ECM1: variants seen among roughly 807,000 people sequenced by gnomAD.
ECM1 encodes secretory component p85.
ECM1 carries 54 observed loss-of-function variants against 57.9 expected under a neutral mutation model. The ratio of observed to expected loss-of-function variants is 0.93; its 90% CI spans 0.75 to 1.17. The LOEUF (loss-of-function observed/expected upper bound fraction) is 1.17, where lower values mean the gene tolerates loss of function less well. Among genes scored for constraint, ECM1 ranks in the 50% most tolerant of loss-of-function variants. The pLI, the probability that ECM1 is intolerant of heterozygous loss-of-function variation, is 0.00. For missense variants in ECM1, 649 were observed against 688.1 expected (o/e 0.94, Z 0.64); for synonymous variants, 237 against 259.1 (o/e 0.91, Z 0.82).
rs41264471 is a variant in ECM1, at chr1:150,510,995, C to T, written c.505C>T (p.Pro169Ser). Reference sequence around the variant, plus strand: ...GGGCCACCGGCTGGATGGCTTCCCCCCTGGGCGGCCTTCTCCAGACAATCT... The same window carrying T: ...GGGCCACCGGCTGGATGGCTTCCCCTCTGGGCGGCCTTCTCCAGACAATCT... ...GWGHRLDGFP[P>S]GRPSPDNLNQ... is the part of the protein sequence containing the mutation. The change falls in exon 6 of 10, where the codon CCT becomes TCT. Residue 169 changes from proline (P) to serine (S), a missense_variant. Pro to Ser is a moderately conservative substitution (Grantham distance 74). Coordinates refer to ENST00000369047, the MANE Select transcript of ECM1 (RefSeq NM_004425.4). The T allele has an allele frequency of 5.0e-6, 8 of 1,614,090 alleles. No individual in the cohort carries two copies. The highest frequency in any genetic ancestry group is 2.7e-5 in the African/African-American group (2 of 74,930).
intron 7 of ECM1, among the ~76,000 whole-genome samples, 155 bp from the exon 8 acceptor site, chr1:150,512,197 A>C (rs1670461853): frequency 6.9e-6 from 1 of 145,640 alleles, no homozygotes; most frequent in African/African-American, 2.6e-5. Flanking sequence ...ACACATCAAC[A>C]GTTGCCTCCT....
In ECM1 at chr1:150,511,672, T is replaced by C. The variant is rs757995294; in HGVS notation, c.924T>C (p.Asn308=). 8 of 1,614,014 alleles carry C rather than the reference T, an allele frequency of 5.0e-6. No individual in the cohort carries two copies. The South Asian group carries it at 6.6e-5, about 13-fold the overall frequency. ...PFPPGVPTLD[N]IKNICHLRRF... ...CTCCTGGGGTGCCCACATTGGACAA[T>C]ATCAAGAACATCTGCCACCTGAGGC... The change falls in exon 7 of 10, where the codon AAT becomes AAC. Residue 308 remains asparagine (N), a synonymous_variant. Coordinates refer to ENST00000369047, the MANE Select transcript of ECM1 (RefSeq NM_004425.4).
In ECM1 at chr1:150,511,095, A is replaced by T; in HGVS notation, c.605A>T (p.His202Leu). The change falls in exon 6 of 10, where the codon CAC (histidine) becomes CTC (leucine). Residue 202 changes from histidine to leucine, a missense_variant. Coordinates refer to ENST00000369047, the MANE Select transcript of ECM1 (RefSeq NM_004425.4). ...AACCTACCACAGTCCAGCTACTCCC[A>T]CCTCACTCGCCAGGGTGAGACCCTC... is the stretch of plus-strand genomic sequence containing the variant. ...PWNLPQSSYS[H>L]LTRQGETLNF... The T allele has an allele frequency of 6.2e-7, 1 of 1,614,014 alleles. No homozygotes were observed. The highest frequency in any genetic ancestry group is 2.2e-5 in the East Asian group (1 of 44,878).
Position 150,509,996 on chromosome 1 carries a change from A to G in ECM1, c.298A>G (p.Lys100Glu), listed in dbSNP as rs747396524. Residue 100 changes from lysine (K) to glutamate (E), a missense_variant, in exon 4 of 10, where the codon AAG becomes GAG. Physicochemically the swap from Lys to Glu is moderately conservative, Grantham distance 56. Coordinates refer to ENST00000369047, the MANE Select transcript of ECM1 (RefSeq NM_004425.4). The stretch of plus-strand genomic sequence containing the variant: ...GCTACCTGCCCAACTCCCTGCTGAA[A>G]AGGAAGGTGAGCGCTTGCCCACCCT... ...KLLPAQLPAE[K>E]EVGPPLPQEA... 2.5e-6 allele frequency: 4 copies of G among 1,614,082 alleles called. No individual in the cohort carries two copies. Among genetic ancestry groups the G allele is most frequent in the Non-Finnish European group, 3.4e-6 (4 of 1,179,994 alleles).
At chr1:150,513,104 TG>T in intron 9 of ECM1, 132 bp from the exon 10 acceptor site, 2 of 968,066 alleles carry the variant, frequency 2.1e-6, no homozygotes, top group Non-Finnish European at 3.2e-6. Flanking sequence ...GTACTCTCTC[TG>T]GGCCCCAGGA....
rs139236527 is a variant in ECM1, at chr1:150,509,537, C to T, written c.77C>T (p.Thr26Met). 1.3e-5 allele frequency: 21 copies of T among 1,614,040 alleles called. No individual in the cohort carries two copies. Among genetic ancestry groups the T allele is most frequent in the East Asian group, 8.9e-5 (4 of 44,894 alleles). ...TTGCCCTTCTTCCCTCCAGGCTTCA[C>T]GGCTACAGGACAGAGGCAGCTGAGG... is the stretch of plus-strand genomic sequence containing the variant. Reference protein sequence around the residue: ...VASAASEGGFTATGQRQLRPE... With the variant: ...VASAASEGGFMATGQRQLRPE... Residue 26 changes from threonine to methionine, a missense_variant, in exon 2 of 10, where the codon ACG becomes ATG. By Grantham distance (81) the Thr-to-Met change is moderately conservative (BLOSUM62 -1). Transcript: ENST00000369047.
At chr1:150,510,791 C>A in intron 5 of ECM1, 85 bp from the exon 6 acceptor site, 1 of 1,396,856 alleles carries the variant, frequency 7.2e-7, no homozygotes, top group Non-Finnish European at 1.0e-6. Context: ...CTCCTCCACC[C>A]CAGATTCTTT....
chr1:150,508,364 T>TCTGCTAGTGATG, intron 1 of ECM1, 85 bp downstream of exon 1: 10 of 1,291,316 alleles, frequency 7.7e-6, no homozygotes, highest in Non-Finnish European at 1.1e-5. Flanking sequence ...GGCTCATCAC[T>TCTGCTAGTGATG]AGCAGAGTGA....
chr1:150,512,934 G>A (rs1443942209), intron 9 of ECM1, 122 bp downstream of exon 9: 7 of 1,154,432 alleles, frequency 6.1e-6, no homozygotes, highest in Non-Finnish European at 9.0e-6. Context: ...GACTAGTGGG[G>A]GAGGTGTTTT....
Position 150,512,517 on chromosome 1 carries a change from G to A in ECM1, c.1249G>A (p.Val417Ile), listed in dbSNP as rs751863525. 8.7e-6 allele frequency: 14 copies of A among 1,613,710 alleles called. No individual in the cohort carries two copies. The Admixed American group carries it at 1.3e-4, about 15-fold the overall frequency. Residue 417 changes from valine (V) to isoleucine (I), a missense_variant, in exon 8 of 10, where the codon GTC becomes ATC. Physicochemically the swap from Val to Ile is conservative, Grantham distance 29. Transcript: ENST00000369047. ...RDILTIDIGR[V>I]TPNLMGHLCG... ...CATCTTGACCATTGACATCGGTCGA[G>A]TCACCCCCAACCTCATGGGCCACCT...
At chr1:150,510,664 G>C (rs944217761) in intron 5 of ECM1, 4 of 635,614 alleles carry the variant, frequency 6.3e-6, no homozygotes, top group Admixed American at 2.5e-5. Context: ...GGAGGAGGTG[G>C]GGGCAGGCTG....
rs775224274 is a variant in ECM1, at chr1:150,510,993, C to A, written c.503C>A (p.Pro168His). Reference sequence around the variant, plus strand: ...TGGGGCCACCGGCTGGATGGCTTCCCCCCTGGGCGGCCTTCTCCAGACAAT... The same window carrying A: ...TGGGGCCACCGGCTGGATGGCTTCCACCCTGGGCGGCCTTCTCCAGACAAT... ...GGWGHRLDGF[P>H]PGRPSPDNLN... Residue 168 changes from proline (P) to histidine (H), a missense_variant, in exon 6 of 10, where the codon CCC becomes CAC. Pro to His is a moderately conservative substitution (Grantham distance 77). Coordinates refer to ENST00000369047, the MANE Select transcript of ECM1 (RefSeq NM_004425.4). 1.2e-6 allele frequency: 2 copies of A among 1,614,206 alleles called. No homozygotes were observed. Among genetic ancestry groups the A allele is most frequent in the Non-Finnish European group, 8.5e-7 (1 of 1,180,026 alleles).
intron 9 of ECM1, 113 bp from the exon 10 acceptor site, chr1:150,513,124 A>G (rs868373828): frequency 8.8e-7 from 1 of 1,142,658 alleles, no homozygotes. Context: ...GAGGGGAACG[A>G]GGGAGAGAGC....
chr1:150,511,649 C>T lies in ECM1; in HGVS notation c.901C>T (p.Pro301Ser). 1 of 1,614,178 alleles carries T rather than the reference C, an allele frequency of 6.2e-7. No individual in the cohort carries two copies. The highest frequency in any genetic ancestry group is 8.5e-7 in the Non-Finnish European group (1 of 1,180,026). Reference sequence around the variant, plus strand: ...CTCGGGTCTTGAGCTGCCTTTCCCTCCTGGGGTGCCCACATTGGACAATAT... The same window carrying T: ...CTCGGGTCTTGAGCTGCCTTTCCCTTCTGGGGTGCCCACATTGGACAATAT... The part of the protein sequence containing the change: ...ISSGLELPFP[P>S]GVPTLDNIKN... The change falls in exon 7 of 10, where the codon CCT becomes TCT. Residue 301 changes from proline (P) to serine (S), a missense_variant. Pro to Ser is a moderately conservative substitution (Grantham distance 74). Coordinates refer to ENST00000369047, the MANE Select transcript of ECM1 (RefSeq NM_004425.4).
At chr1:150,511,418 G>A (rs927971528) in intron 6 of ECM1, 39 bp from the exon 7 acceptor site, 1 of 1,613,794 alleles carries the variant, frequency 6.2e-7, no homozygotes, top group Non-Finnish European at 8.5e-7. Context: ...AGGAAGGCAG[G>A]AATGTGGAAA....
In ECM1 at chr1:150,511,613, C is replaced by A; in HGVS notation, c.865C>A (p.Pro289Thr). 1.2e-6 allele frequency: 2 copies of A among 1,614,184 alleles called. No individual in the cohort carries two copies. Among genetic ancestry groups the A allele is most frequent in the Non-Finnish European group, 1.7e-6 (2 of 1,180,034 alleles). ...YQLRACPSHQ[P>T]DISSGLELPF... is the part of the protein sequence containing the mutation. ...GCTCCGGGCCTGCCCCAGCCATCAG[C>A]CTGATATTTCCTCGGGTCTTGAGCT... Residue 289 changes from proline (P) to threonine (T), a missense_variant, in exon 7 of 10, where the codon CCT (proline) becomes ACT (threonine). Pro to Thr is a conservative substitution (Grantham distance 38). Coordinates refer to ENST00000369047, the MANE Select transcript of ECM1 (RefSeq NM_004425.4).
At position 150,513,701 on chromosome 1, in the gene ECM1, T is replaced by TGGCCCCTGA. The variant is rs1670506313; in HGVS notation, c.*240_*248dup. On this transcript the variant is annotated 3_prime_UTR_variant, in exon 10 of 10. Transcript: ENST00000369047. ...GCCTGCTTGTATTTCCTTCAGTGCC[T>TGGCCCCTGA]GGCCCCTGAGGCCCACGGCCCTGCC... 1 of 497,828 alleles carries TGGCCCCTGA rather than the reference T, an allele frequency of 2.0e-6. No individual in the cohort carries two copies. The highest frequency in any genetic ancestry group is 3.3e-5 in the Admixed American group (1 of 30,032). The allele number at this position is 497,828 out of a possible 1,614,324, so 30.8% of individuals were successfully genotyped here.
At position 150,512,451 on chromosome 1, in the gene ECM1, T is replaced by G; in HGVS notation, c.1183T>G (p.Cys395Gly). 6.2e-7 allele frequency: 1 copy of G among 1,613,396 alleles called. No homozygotes were observed. The highest frequency in any genetic ancestry group is 8.5e-7 in the Non-Finnish European group (1 of 1,179,908). The stretch of plus-strand genomic sequence containing the variant: ...CCCTCCCAGCCCTACTCGGGATGAG[T>G]GCTTTGCCCGTCGGGCTCCTTACCC... Reference protein sequence around the residue: ...RHPPSPTRDECFARRAPYPNY... With the variant: ...RHPPSPTRDEGFARRAPYPNY... Residue 395 changes from cysteine (C) to glycine (G), a missense_variant, in exon 8 of 10, where the codon TGC becomes GGC. Coordinates refer to ENST00000369047, the MANE Select transcript of ECM1 (RefSeq NM_004425.4).
chr1:150,511,273 T>C, intron 6 of ECM1, 75 bp downstream of exon 6: 1 of 1,599,562 alleles, frequency 6.3e-7, no homozygotes, highest in Non-Finnish European at 8.5e-7. Context: ...GTTAGAGCAC[T>C]AGGCCTGGGT....
Sources: allele counts gnomAD v4.1 joint callset (sites outside exome capture counted in the v4.1 genomes callset), GRCh38; gene constraint gnomAD v4.1.1; transcripts MANE v1.5; gene names NCBI Gene and HGNC (gene_info 2026-07-23, HGNC 2026-07-21).